The following GALNTL6 variants were observed in gnomAD, a reference collection of about 807,000 sequenced individuals.
GALNTL6 encodes the protein polypeptide N-acetylgalactosaminyltransferase-like 6.
Under a neutral mutation model 73.7 loss-of-function variants are expected in GALNTL6, and 46 were observed. The observed-to-expected ratio is 0.62, with a 90% CI of 0.49 to 0.80. The LOEUF is 0.80. Among genes scored for constraint, GALNTL6 ranks in the 30% least tolerant of loss-of-function variants. The pLI is 0.00. For synonymous variants in GALNTL6, 259 were observed against 263.7 expected (o/e 0.98, Z 0.17); for missense variants, 604 against 755.0 (o/e 0.80, Z 2.34).
chr4:172,241,301 G>A (rs1579291496), intron 3 of GALNTL6, among the ~76,000 whole-genome samples: 1 of 152,252 alleles, frequency 6.6e-6, no homozygotes, highest in East Asian at 1.9e-4. Context: ...ATACGCAGTG[G>A]AAGGCATGTT....
intron 2 of GALNTL6, among the ~76,000 whole-genome samples, chr4:172,114,561 T>C (rs560454606): frequency 7.9e-5 from 12 of 152,156 alleles, no homozygotes; most frequent in South Asian, 2.1e-4. Flanking sequence ...GCTTCAATCA[T>C]TGGAACAATA....
intron 5 of GALNTL6, among the ~76,000 whole-genome samples, chr4:172,414,222 A>G (rs949511003): frequency 5.3e-5 from 8 of 152,130 alleles, no homozygotes; most frequent in African/African-American, 1.9e-4. Context: ...TTAACCTTAG[A>G]AAGTCATTTA....
At chr4:171,882,912 T>C (rs906100261) in intron 2 of GALNTL6, among the ~76,000 whole-genome samples, 1 of 152,234 alleles carries the variant, frequency 6.6e-6, no homozygotes, top group African/African-American at 2.4e-5. Context: ...GTGACATTTA[T>C]CTTAACAGTA....
At chr4:172,955,453 A>G (rs1749667736) in intron 10 of GALNTL6, among the ~76,000 whole-genome samples, 1 of 152,172 alleles carries the variant, frequency 6.6e-6, no homozygotes. Context: ...ACTGTCTCAA[A>G]ATAAAAAGAA....
At chr4:171,902,052 G>T (rs1376277714) in intron 2 of GALNTL6, among the ~76,000 whole-genome samples, 1 of 152,072 alleles carries the variant, frequency 6.6e-6, no homozygotes, top group African/African-American at 2.4e-5. Context: ...TGGGAATGTT[G>T]CTAGTTCAAT....
At chr4:172,601,430 T>G (rs1738048460) in intron 5 of GALNTL6, among the ~76,000 whole-genome samples, 1 of 152,166 alleles carries the variant, frequency 6.6e-6, no homozygotes, top group Non-Finnish European at 1.5e-5. Flanking sequence ...CAGTAAGTGC[T>G]TGCTCTCACA....
intron 2 of GALNTL6, among the ~76,000 whole-genome samples, chr4:171,920,157 C>G (rs1325749195): frequency 2.6e-5 from 4 of 151,970 alleles, no homozygotes; most frequent in Non-Finnish European, 2.9e-5. Flanking sequence ...CTTGTTCTCA[C>G]TCTTAGGTGG....
chr4:172,699,933 A>G (rs1733933611), intron 5 of GALNTL6, among the ~76,000 whole-genome samples: 1 of 152,202 alleles, frequency 6.6e-6, no homozygotes, highest in Non-Finnish European at 1.5e-5. Context: ...CAAGTATCTA[A>G]ACACTCAAGT....
At chr4:172,455,850 A>G (rs1732379844) in intron 5 of GALNTL6, among the ~76,000 whole-genome samples, 1 of 152,214 alleles carries the variant, frequency 6.6e-6, no homozygotes, top group Non-Finnish European at 1.5e-5. Flanking sequence ...AAGCTCTGCT[A>G]AGGGACAGAC....
chr4:172,138,488 TATATATATATATATATA>T (rs1560938212), intron 2 of GALNTL6, among the ~76,000 whole-genome samples: 9 of 6,006 alleles, frequency 1.5e-3, no homozygotes, highest in East Asian at 0.013. Flanking sequence ...TATATATATA[TATATATATATATATATA>T]TATATATATT....
At position 173,009,096 on chromosome 4, in the gene GALNTL6, C is replaced by G. The variant is rs890887969; in HGVS notation, c.1372-82C>G. ...AACCAAAAAGATAATCTATGTCTTA[C>G]TTAATCTACACCATGGTTGTTAGGA... On this transcript the variant is annotated intron_variant, in intron 10 of 12. Coordinates refer to ENST00000506823, the MANE Select transcript of GALNTL6 (RefSeq NM_001034845.3). 3.8e-5 allele frequency: 34 copies of G among 885,946 alleles called. No homozygotes were observed. The African/African-American group carries it at 5.3e-4, about 14-fold the overall frequency. The allele number at this position is 885,946 out of a possible 1,614,324, so 54.9% of individuals were successfully genotyped here.
intron 5 of GALNTL6, among the ~76,000 whole-genome samples, chr4:172,763,904 GA>G (rs1396170359): frequency 6.7e-6 from 1 of 150,344 alleles, no homozygotes; most frequent in Non-Finnish European, 1.5e-5. Flanking sequence ...ATAAACAAAT[GA>G]AGAACATTCA....
intron 2 of GALNTL6, among the ~76,000 whole-genome samples, chr4:171,830,399 T>C (rs1330438048): frequency 6.6e-6 from 1 of 152,208 alleles, no homozygotes; most frequent in Non-Finnish European, 1.5e-5. Context: ...CTTAGCATTA[T>C]CTGACCACAA....
chr4:172,336,438 A>ATT (rs143454987), intron 4 of GALNTL6, among the ~76,000 whole-genome samples: 2 of 136,762 alleles, frequency 1.5e-5, no homozygotes, highest in Admixed American at 7.3e-5. Flanking sequence ...TGCCCAGCTA[A>ATT]TTTTTTTTTT....
intron 3 of GALNTL6, among the ~76,000 whole-genome samples, chr4:172,260,445 C>G (rs548043299): frequency 6.6e-6 from 1 of 151,774 alleles, no homozygotes; most frequent in East Asian, 1.9e-4. Context: ...GATTTGTGTA[C>G]ATTGATTTTG....
At chr4:172,697,221 G>C (rs1244526545) in intron 5 of GALNTL6, among the ~76,000 whole-genome samples, 1 of 152,094 alleles carries the variant, frequency 6.6e-6, no homozygotes, top group Non-Finnish European at 1.5e-5. Flanking sequence ...TTTTTATGGA[G>C]CTTTACTAAC....
chr4:171,911,903 A>G (rs1737485780), intron 2 of GALNTL6, among the ~76,000 whole-genome samples: 1 of 152,210 alleles, frequency 6.6e-6, no homozygotes, highest in South Asian at 2.1e-4. Flanking sequence ...TAAAACATCC[A>G]TACATTTTTA....
chr4:173,010,769 ATTTT>A (rs146884418), intron 11 of GALNTL6, among the ~76,000 whole-genome samples: 2 of 125,834 alleles, frequency 1.6e-5, no homozygotes, highest in African/African-American at 2.9e-5. Flanking sequence ...TAATTTTTGT[ATTTT>A]TTTTTTTTTT....
At chr4:172,487,642 C>G (rs538898911) in intron 5 of GALNTL6, among the ~76,000 whole-genome samples, 31 of 152,192 alleles carry the variant, frequency 2.0e-4, no homozygotes, top group African/African-American at 7.5e-4. Flanking sequence ...CCCGCCTCAG[C>G]CTCCCAAAGT....
Sources: gnomAD v4.1 joint callset for allele counts (sites outside exome capture counted in the v4.1 genomes callset) on GRCh38, gnomAD v4.1.1 for gene constraint, MANE v1.5 for transcripts, NCBI Gene and HGNC (gene_info 2026-07-23, HGNC 2026-07-21) for gene names.